CEP112: variants seen among roughly 807,000 people sequenced by gnomAD.
CEP112 encodes centrosomal protein of 112 kDa.
Under a neutral mutation model 153.0 loss-of-function variants are expected in CEP112, and 127 were observed. That is an observed-to-expected ratio of 0.83 (90% confidence interval 0.72 to 0.96). The LOEUF is 0.96. CEP112 is among the 40% of genes least tolerant of loss of function. The pLI is 0.00. For missense variants in CEP112, 1,089 were observed against 1,101.2 expected, an observed-to-expected ratio of 0.99 and a Z score of 0.16; for synonymous variants, 358 against 374.4, an observed-to-expected ratio of 0.96 and a Z score of 0.51.
intron 6 of CEP112, among the ~76,000 whole-genome samples, chr17:66,125,685 C>T (rs928690255): frequency 6.6e-6 from 1 of 151,476 alleles, no homozygotes; most frequent in African/African-American, 2.4e-5. Flanking sequence ...AACACATTTC[C>T]CTTCTCTGTA....
chr17:65,760,207 A>AAG (rs1239153166), intron 21 of CEP112, among the ~76,000 whole-genome samples: 1 of 152,164 alleles, frequency 6.6e-6, no homozygotes, highest in African/African-American at 2.4e-5. Context: ...TCTGCAAACA[A>AAG]AGAGAGTTCT....
At chr17:65,669,714 T>C (rs141236459) in intron 24 of CEP112, among the ~76,000 whole-genome samples, 3 of 152,028 alleles carry the variant, frequency 2.0e-5, no homozygotes, top group South Asian at 2.1e-4. Flanking sequence ...CCATCCTGGC[T>C]AACACGGTGA....
intron 8 of CEP112, among the ~76,000 whole-genome samples, chr17:66,086,990 A>C (rs1228260392): frequency 1.3e-5 from 2 of 152,200 alleles, no homozygotes; most frequent in Non-Finnish European, 2.9e-5. Context: ...TATGATAAAA[A>C]AACTTCATCA....
intron 21 of CEP112, among the ~76,000 whole-genome samples, chr17:65,758,211 G>A (rs770341975): frequency 2.0e-5 from 3 of 152,132 alleles, no homozygotes; most frequent in Non-Finnish European, 2.9e-5. Flanking sequence ...AGTAGTAGTG[G>A]TCGTTGTTTT....
At chr17:65,937,378 C>T (rs2061350239) in intron 18 of CEP112, among the ~76,000 whole-genome samples, 1 of 116,874 alleles carries the variant, frequency 8.6e-6, no homozygotes, top group Non-Finnish European at 1.8e-5. Flanking sequence ...TGAGGAGCGT[C>T]TCTGCCCGGC....
intron 6 of CEP112, among the ~76,000 whole-genome samples, chr17:66,126,723 T>G (rs1277201631): frequency 6.6e-6 from 1 of 152,180 alleles, no homozygotes; most frequent in Non-Finnish European, 1.5e-5. Context: ...ATTTGGGAAT[T>G]TGATTTCTGG....
At position 65,681,205 on chromosome 17, in the gene CEP112, AGG is replaced by A. The variant is rs2047507303; in HGVS notation, c.2697+7922_2697+7923del. ...GATGACAGATCGGGTCCTTACCCTA[AGG>A]GGCATAATGTCTAGTAGGAAATTCT... On this transcript the variant is annotated intron_variant, in intron 24 of 26. Coordinates refer to ENST00000535342, the MANE Select transcript of CEP112 (RefSeq NM_001199165.4). 2.0e-5 allele frequency among the ~76,000 whole-genome samples: 3 copies of A among 152,178 alleles called. 1 individual carries two copies. In the South Asian group the frequency reaches 6.2e-4, roughly 32 times the overall value.
intron 12 of CEP112, among the ~76,000 whole-genome samples, chr17:66,049,215 T>C (rs1206909407): frequency 1.6e-5 from 2 of 124,156 alleles, no homozygotes; most frequent in Non-Finnish European, 3.5e-5. Flanking sequence ...GTCTTCCAGG[T>C]TTTCCCCAAT....
At chr17:66,135,453 A>G (rs1266639466) in intron 4 of CEP112, among the ~76,000 whole-genome samples, 1 of 152,188 alleles carries the variant, frequency 6.6e-6, no homozygotes, top group African/African-American at 2.4e-5. Flanking sequence ...TTTATGAATA[A>G]CAAGTGCCAC....
chr17:65,658,452 A>C (rs1407366503), intron 24 of CEP112, among the ~76,000 whole-genome samples: 1 of 152,208 alleles, frequency 6.6e-6, no homozygotes, highest in Admixed American at 6.5e-5. Flanking sequence ...GAGTTGTATG[A>C]GAATATATGC....
At chr17:66,002,411 A>ATTC (rs2064097310) in intron 17 of CEP112, among the ~76,000 whole-genome samples, 1 of 152,234 alleles carries the variant, frequency 6.6e-6, no homozygotes, top group African/African-American at 2.4e-5. Flanking sequence ...TGACACTTAG[A>ATTC]AGTCATTAGG....
intron 21 of CEP112, among the ~76,000 whole-genome samples, chr17:65,760,440 T>C (rs2052543956): frequency 6.6e-6 from 1 of 152,140 alleles, no homozygotes; most frequent in South Asian, 2.1e-4. Context: ...TCACCTCTAT[T>C]CCTAGTTTGC....
chr17:66,152,131 C>T (rs2071236558), intron 4 of CEP112, among the ~76,000 whole-genome samples: 1 of 151,954 alleles, frequency 6.6e-6, no homozygotes, highest in Non-Finnish European at 1.5e-5. Context: ...AAAGTACAGC[C>T]TAAGAATATG....
At chr17:65,873,743 G>C (rs1208667939) in intron 20 of CEP112, 1 of 152,162 alleles carries the variant, frequency 6.6e-6, no homozygotes, top group Non-Finnish European at 1.5e-5. Flanking sequence ...CCAATAAGGA[G>C]GCAGGAACTT....
intron 24 of CEP112, among the ~76,000 whole-genome samples, chr17:65,676,644 G>A (rs2047248640): frequency 1.3e-5 from 2 of 152,184 alleles, no homozygotes; most frequent in African/African-American, 2.4e-5. Flanking sequence ...TATAGTAGGT[G>A]CTCAGTAAAT....
intron 6 of CEP112, among the ~76,000 whole-genome samples, chr17:66,123,733 T>C (rs1369497033): frequency 2.0e-5 from 3 of 152,204 alleles, no homozygotes; most frequent in Admixed American, 2.0e-4. Context: ...TTTTGATATG[T>C]TGTGTTGTCA....
rs142261875 is a variant in CEP112, at chr17:65,901,584, C to T, written c.2163+568G>A. On this transcript the variant is annotated intron_variant, in intron 20 of 26. Transcript: ENST00000535342. ...GCCAAATGGCTTCCAACAGGGACTACAGAGATGTGGGCTAGGAGGCATGTG... is the reference window on the plus strand; with the variant it reads ...GCCAAATGGCTTCCAACAGGGACTATAGAGATGTGGGCTAGGAGGCATGTG... Among the ~76,000 whole-genome samples, 35 of 152,208 alleles carry T rather than the reference C, an allele frequency of 2.3e-4. No homozygotes were observed. The East Asian group carries it at 6.8e-3, about 29-fold the overall frequency.
intron 12 of CEP112, among the ~76,000 whole-genome samples, chr17:66,033,807 T>G (rs1218731136): frequency 1.3e-5 from 2 of 152,248 alleles, no homozygotes; most frequent in Non-Finnish European, 2.9e-5. Flanking sequence ...ATTGCTTTAT[T>G]TGCACTAGAT....
intron 23 of CEP112, among the ~76,000 whole-genome samples, chr17:65,707,394 T>A (rs1837309351): frequency 1.3e-5 from 2 of 152,194 alleles, no homozygotes; most frequent in Non-Finnish European, 1.5e-5. Flanking sequence ...TCCAATAGCA[T>A]AGCAGTCTCC....
Sources: gnomAD v4.1 joint callset for allele counts (sites outside exome capture counted in the v4.1 genomes callset) on GRCh38, gnomAD v4.1.1 for gene constraint, MANE v1.5 for transcripts, NCBI Gene and HGNC (gene_info 2026-07-23, HGNC 2026-07-21) for gene names.